The following CELF4 variants were observed in gnomAD, a reference collection of about 807,000 sequenced individuals.
CELF4 encodes CUGBP Elav-like family member 4.
A neutral mutation model predicts 59.9 loss-of-function variants in CELF4; 18 were observed. That is an observed-to-expected ratio of 0.30 (90% CI 0.21 to 0.45). The LOEUF (loss-of-function observed/expected upper bound fraction) is 0.45, where lower values mean the gene tolerates loss of function less well. Ranked by LOEUF, CELF4 falls within the 20% of genes least tolerant of loss-of-function variation. The pLI is 1.00. For synonymous variants in CELF4, 261 were observed against 267.1 expected, an observed-to-expected ratio of 0.98 and a Z score of 0.22; for missense variants, 456 against 689.0, an observed-to-expected ratio of 0.66 and a Z score of 3.79.
chr18:37,252,206 C>A (rs890134467), intron 12 of CELF4, among the ~76,000 whole-genome samples: 1 of 152,134 alleles, frequency 6.6e-6, no homozygotes, highest in Non-Finnish European at 1.5e-5. Flanking sequence ...CATGCCTGAT[C>A]TTTCTCCCAA....
chr18:37,466,246 G>A (rs1212356346), intron 2 of CELF4, among the ~76,000 whole-genome samples: 3 of 152,358 alleles, frequency 2.0e-5, no homozygotes, highest in African/African-American at 4.8e-5. Context: ...GAGATGTTCC[G>A]AAGGAAGTGG....
At chr18:37,533,754 T>C (rs765964603) in intron 1 of CELF4, among the ~76,000 whole-genome samples, 10 of 152,222 alleles carry the variant, frequency 6.6e-5, no homozygotes, top group Non-Finnish European at 1.2e-4. Context: ...AGCTCCTGCA[T>C]GTCCCTCTCC....
chr18:37,507,888 C>A (rs73947290), intron 1 of CELF4, among the ~76,000 whole-genome samples: 1 of 152,130 alleles, frequency 6.6e-6, no homozygotes, highest in African/African-American at 2.4e-5. Flanking sequence ...GGTTCTGCCA[C>A]GCTGGTGATC....
At chr18:37,492,767 C>A (rs969055430) in intron 1 of CELF4, among the ~76,000 whole-genome samples, 1 of 152,162 alleles carries the variant, frequency 6.6e-6, no homozygotes, top group African/African-American at 2.4e-5. Context: ...TTTGGTCTCA[C>A]CTTCTATGGA....
intron 2 of CELF4, among the ~76,000 whole-genome samples, chr18:37,388,520 G>A (rs2099123640): frequency 6.6e-6 from 1 of 151,298 alleles, no homozygotes; most frequent in Non-Finnish European, 1.5e-5. Context: ...GGCCAGTGGT[G>A]CCCTGGCCCT....
At chr18:37,526,004 C>T (rs146844478) in intron 1 of CELF4, among the ~76,000 whole-genome samples, 48 of 152,260 alleles carry the variant, frequency 3.2e-4, no homozygotes, top group South Asian at 1.2e-3. Flanking sequence ...CTGTGTTTAA[C>T]GAGAACTTCA....
intron 3 of CELF4, among the ~76,000 whole-genome samples, chr18:37,302,983 C>T (rs1164759408): frequency 1.3e-5 from 2 of 152,130 alleles, no homozygotes; most frequent in African/African-American, 4.8e-5. Context: ...GCTCCATCTC[C>T]TGCAGAAACT....
At chr18:37,333,364 C>T (rs2097629626) in intron 2 of CELF4, among the ~76,000 whole-genome samples, 1 of 151,598 alleles carries the variant, frequency 6.6e-6, no homozygotes, top group Non-Finnish European at 1.5e-5. Flanking sequence ...CCTCTTCCCC[C>T]TCCTCTCCCT....
intron 2 of CELF4, among the ~76,000 whole-genome samples, chr18:37,373,822 G>C (rs1296375327): frequency 6.6e-6 from 1 of 152,194 alleles, no homozygotes; most frequent in East Asian, 1.9e-4. Flanking sequence ...GCTCCCACTA[G>C]GCACGTGAGA....
At chr18:37,330,402 G>A (rs577672846) in intron 2 of CELF4, among the ~76,000 whole-genome samples, 14 of 152,136 alleles carry the variant, frequency 9.2e-5, no homozygotes, top group South Asian at 2.1e-4. Context: ...CCGCAGAAGC[G>A]GCACACATTA....
chr18:37,466,534 C>T (rs1288826413), intron 2 of CELF4, among the ~76,000 whole-genome samples: 2 of 152,120 alleles, frequency 1.3e-5, no homozygotes, highest in Non-Finnish European at 1.5e-5. Flanking sequence ...AGGATGTCTG[C>T]TTAGGGACTC....
intron 11 of CELF4, among the ~76,000 whole-genome samples, chr18:37,258,286 C>G (rs866703065): frequency 1.3e-5 from 2 of 149,018 alleles, no homozygotes; most frequent in South Asian, 4.4e-4. Flanking sequence ...TAGTGGAAAC[C>G]CCCCAGCACA....
At chr18:37,492,727 G>A (rs989209232) in intron 1 of CELF4, among the ~76,000 whole-genome samples, 1 of 152,114 alleles carries the variant, frequency 6.6e-6, no homozygotes, top group Non-Finnish European at 1.5e-5. Context: ...CTTACTCCAA[G>A]CTGAAGCCCT....
chr18:37,452,158 T>TGC (rs1242468821), intron 2 of CELF4, among the ~76,000 whole-genome samples: 1 of 152,210 alleles, frequency 6.6e-6, no homozygotes, highest in Admixed American at 6.5e-5. Context: ...GTCGGCTGAA[T>TGC]GCACGCCACC....
At chr18:37,286,252 G>A (rs1297694516) in intron 3 of CELF4, among the ~76,000 whole-genome samples, 2 of 152,208 alleles carry the variant, frequency 1.3e-5, no homozygotes, top group Admixed American at 6.5e-5. Flanking sequence ...AGAAATAAAA[G>A]ACTCACTTAG....
At chr18:37,530,576 AT>A (rs2099968514) in intron 1 of CELF4, among the ~76,000 whole-genome samples, 1 of 152,054 alleles carries the variant, frequency 6.6e-6, no homozygotes, top group Non-Finnish European at 1.5e-5. Flanking sequence ...CATCTCCCAA[AT>A]CAGGAGGTGT....
rs1044469615 is a variant in CELF4 at position 37,273,767 on chromosome 18, C to T, written c.801+544G>A. The T allele has an allele frequency of 8.1e-6, 8 of 988,736 alleles. No homozygotes were observed. The African/African-American group carries it at 1.0e-4, about 13-fold the overall frequency. 61.2% of individuals were successfully genotyped at this position (988,736 alleles called of 1,614,324 possible). On this transcript the variant is annotated intron_variant, in intron 6 of 12. Transcript: ENST00000420428. ...GCCACCCACATGGGAGCTGTGGTTA[C>T]CAGTCTGCAGGCAGCTCCGGGAGAG...
chr18:37,561,854 A>G (rs2099986637), intron 1 of CELF4, among the ~76,000 whole-genome samples: 1 of 152,164 alleles, frequency 6.6e-6, no homozygotes, highest in South Asian at 2.1e-4. Context: ...AATCAATAGT[A>G]CAATGTCTTT....
At chr18:37,330,759 C>T (rs664932) in intron 2 of CELF4, among the ~76,000 whole-genome samples, 33,956 of 152,074 alleles carry the variant, frequency 0.22, 3,940 homozygotes, top group South Asian at 0.28. Context: ...GCCCTTGCAG[C>T]AAGAGTGCCC....
Sources: allele counts gnomAD v4.1 joint callset (sites outside exome capture counted in the v4.1 genomes callset), GRCh38; gene constraint gnomAD v4.1.1; transcripts MANE v1.5; gene names NCBI Gene and HGNC (gene_info 2026-07-23, HGNC 2026-07-21).